Variants in KCNIP4 observed in about 807,000 individuals in gnomAD.
KCNIP4 encodes Kv channel-interacting protein 4.
Under a neutral mutation model 34.0 loss-of-function variants are expected in KCNIP4, and 12 were observed. That is an observed-to-expected ratio of 0.35 (90% CI 0.23 to 0.57). The LOEUF is 0.57. Ranked by LOEUF, KCNIP4 falls within the 20% of genes least tolerant of loss-of-function variation. The pLI is 0.83. For missense variants in KCNIP4, 238 were observed against 311.7 expected, an observed-to-expected ratio of 0.76 and a Z score of 1.78; for synonymous variants, 124 against 102.2, an observed-to-expected ratio of 1.21 and a Z score of -1.29.
intron 1 of KCNIP4, among the ~76,000 whole-genome samples, chr4:20,900,009 T>C (rs1010225053): frequency 1.3e-5 from 2 of 152,180 alleles, no homozygotes; most frequent in Non-Finnish European, 2.9e-5. Flanking sequence ...GCCCTGATAC[T>C]TTCCCCAAGG....
chr4:21,049,616 T>C (rs1454249622), intron 1 of KCNIP4, among the ~76,000 whole-genome samples: 1 of 152,240 alleles, frequency 6.6e-6, no homozygotes, highest in Non-Finnish European at 1.5e-5. Flanking sequence ...TGTCTTCTTT[T>C]ATATACCCAG....
chr4:21,494,644 A>C (rs1240271177), intron 1 of KCNIP4, among the ~76,000 whole-genome samples: 1 of 151,960 alleles, frequency 6.6e-6, no homozygotes, highest in Non-Finnish European at 1.5e-5. Flanking sequence ...ATGGTGGTGC[A>C]TGCCTGTAGT....
chr4:21,862,535 G>T (rs1212447206), intron 1 of KCNIP4, among the ~76,000 whole-genome samples: 1 of 152,204 alleles, frequency 6.6e-6, no homozygotes, highest in Non-Finnish European at 1.5e-5. Flanking sequence ...CAGCAGAGGG[G>T]TGGTAGTTTT....
chr4:21,021,433 G>A (rs570534579), intron 1 of KCNIP4, among the ~76,000 whole-genome samples: 1 of 152,164 alleles, frequency 6.6e-6, no homozygotes, highest in African/African-American at 2.4e-5. Context: ...TTGCAACTTT[G>A]TTACTTTTTA....
chr4:21,331,323 CCCTT>C (rs1715615131), intron 1 of KCNIP4, among the ~76,000 whole-genome samples: 1 of 152,040 alleles, frequency 6.6e-6, no homozygotes, highest in South Asian at 2.1e-4. Context: ...TGTCTTCCTT[CCCTT>C]CCTTTCTTCC....
At chr4:20,925,121 G>C (rs995693549) in intron 1 of KCNIP4, among the ~76,000 whole-genome samples, 1 of 152,098 alleles carries the variant, frequency 6.6e-6, no homozygotes, top group African/African-American at 2.4e-5. Context: ...ATAAGAGAGA[G>C]GCTAATTCAT....
At chr4:21,371,571 A>G (rs1024737457) in intron 1 of KCNIP4, among the ~76,000 whole-genome samples, 2 of 147,170 alleles carry the variant, frequency 1.4e-5, no homozygotes, top group Non-Finnish European at 2.9e-5. Context: ...ATTTCCTCAT[A>G]AAGAAAATGA....
At chr4:20,939,756 C>A (rs1465800657) in intron 1 of KCNIP4, among the ~76,000 whole-genome samples, 3 of 152,124 alleles carry the variant, frequency 2.0e-5, no homozygotes, top group African/African-American at 7.2e-5. Context: ...ACCCAGTCAC[C>A]CACACTGGAA....
intron 3 of KCNIP4, among the ~76,000 whole-genome samples, chr4:20,828,343 C>T (rs542224775): frequency 2.0e-5 from 3 of 152,266 alleles, no homozygotes; most frequent in Admixed American, 6.5e-5. Flanking sequence ...AGGAGAATCA[C>T]GTGAACCAGG....
At chr4:21,175,261 GGGAGGGTAGAGGA>G (rs1710786380) in intron 1 of KCNIP4, among the ~76,000 whole-genome samples, 1 of 152,048 alleles carries the variant, frequency 6.6e-6, no homozygotes, top group Non-Finnish European at 1.5e-5. Context: ...TCCTATCTTT[GGGAGGGTAGAGGA>G]TCCTTAGACA....
chr4:21,647,055 T>TTAATCACCTCCCTCAGAATCCTAAAG (rs1747073918), intron 1 of KCNIP4, among the ~76,000 whole-genome samples: 1 of 152,124 alleles, frequency 6.6e-6, no homozygotes, highest in African/African-American at 2.4e-5. Flanking sequence ...GATTTGAGGG[T>TTAATCACCTCCCTCAGAATCCTAAAG]GCTCCAGAAT....
chr4:21,775,275 C>T (rs1329039101), intron 1 of KCNIP4, among the ~76,000 whole-genome samples: 1 of 152,118 alleles, frequency 6.6e-6, no homozygotes, highest in Admixed American at 6.5e-5. Flanking sequence ...TCATCTGATT[C>T]ACTCCTGTGC....
chr4:20,744,576 T>C (rs985384797), intron 5 of KCNIP4, among the ~76,000 whole-genome samples: 7 of 151,658 alleles, frequency 4.6e-5, no homozygotes, highest in African/African-American at 1.7e-4. Flanking sequence ...ATGAGAACAC[T>C]TGGACATAGG....
At chr4:20,730,839 C>A (rs1560400521) in intron 8 of KCNIP4, among the ~76,000 whole-genome samples, 2 of 152,078 alleles carry the variant, frequency 1.3e-5, no homozygotes, top group African/African-American at 4.8e-5. Context: ...ACTTACTGAG[C>A]TGTTTATGGT....
At chr4:21,272,750 G>T (rs1048152076) in intron 1 of KCNIP4, among the ~76,000 whole-genome samples, 2 of 151,732 alleles carry the variant, frequency 1.3e-5, no homozygotes, top group Non-Finnish European at 2.9e-5. Context: ...CTATTATTTT[G>T]CTTGGTGACT....
intron 1 of KCNIP4, among the ~76,000 whole-genome samples, chr4:21,038,056 C>A (rs1408029107): frequency 2.0e-5 from 3 of 152,198 alleles, no homozygotes; most frequent in African/African-American, 7.2e-5. Context: ...CAGCTCACTG[C>A]AACCTCTACC....
At chr4:21,211,394 G>T (rs1577895201) in intron 1 of KCNIP4, among the ~76,000 whole-genome samples, 1 of 152,154 alleles carries the variant, frequency 6.6e-6, no homozygotes, top group Non-Finnish European at 1.5e-5. Context: ...TACTGCCTGA[G>T]CTCTACCTTC....
At chr4:20,830,951 C>A (rs2130917) in intron 3 of KCNIP4, among the ~76,000 whole-genome samples, 2,519 of 152,248 alleles carry the variant, frequency 0.017, 77 homozygotes, top group African/African-American at 0.058. Context: ...GCAGAGAAGG[C>A]AGAGATGTGT....
chr4:21,312,288 T>C (rs1713269615), intron 1 of KCNIP4, among the ~76,000 whole-genome samples: 1 of 152,198 alleles, frequency 6.6e-6, no homozygotes, highest in Non-Finnish European at 1.5e-5. Flanking sequence ...GTGCTCAAAC[T>C]GTTATGTGCA....
Sources: gnomAD v4.1 joint callset for allele counts (sites outside exome capture counted in the v4.1 genomes callset) on GRCh38, gnomAD v4.1.1 for gene constraint, MANE v1.5 for transcripts, NCBI Gene and HGNC (gene_info 2026-07-23, HGNC 2026-07-21) for gene names.